PITRM1: variants seen among roughly 807,000 people sequenced by gnomAD.
The protein encoded by PITRM1 is pitrilysin metallopeptidase 1.
In PITRM1, 100 loss-of-function variants were observed where a neutral mutation model predicts 129.9. The observed-to-expected ratio is 0.77, with a 90% CI of 0.65 to 0.91. The LOEUF (loss-of-function observed/expected upper bound fraction) is 0.91, where lower values mean the gene tolerates loss of function less well. PITRM1 is among the 40% of genes least tolerant of loss of function. The pLI is 0.00. For missense variants in PITRM1, 1,471 were observed against 1,318.3 expected (o/e 1.12, Z -1.79); for synonymous variants, 591 against 508.8 (o/e 1.16, Z -2.17).
chr10:3,144,284 G>A lies in PITRM1; in HGVS notation c.2532+8C>T, dbSNP rs534301225. On this transcript the variant is annotated splice_region_variant and intron_variant, in intron 22 of 26. Coordinates refer to ENST00000224949, the MANE Select transcript of PITRM1 (RefSeq NM_014889.4). Reference sequence around the variant, plus strand: ...CCGCTGGCAACCCGGATGGGCTGTGGTTCTTACCATGACCAGCTTCCTAAT... The same window carrying A: ...CCGCTGGCAACCCGGATGGGCTGTGATTCTTACCATGACCAGCTTCCTAAT... 2 of 1,539,742 alleles carry A rather than the reference G, an allele frequency of 1.3e-6. No individual in the cohort carries two copies. The highest frequency in any genetic ancestry group is 1.4e-5 in the African/African-American group (1 of 72,998).
chr10:3,139,214 T>A (rs1839935367), intron 24 of PITRM1, among the ~76,000 whole-genome samples, 165 bp from the exon 25 acceptor site: 1 of 152,186 alleles, frequency 6.6e-6, no homozygotes, highest in African/African-American at 2.4e-5. Flanking sequence ...TTACTCTCAA[T>A]GGAAATTTAA....
intron 9 of PITRM1, among the ~76,000 whole-genome samples, chr10:3,159,394 G>A (rs1414257598): frequency 6.6e-6 from 1 of 152,244 alleles, no homozygotes; most frequent in East Asian, 1.9e-4. Flanking sequence ...GCACGGGAGG[G>A]CCCAGAGCCC....
At chr10:3,159,968 C>G (rs1418121228) in intron 8 of PITRM1, 32 bp from the exon 9 acceptor site, 2 of 1,471,872 alleles carry the variant, frequency 1.4e-6, no homozygotes, top group Non-Finnish European at 1.9e-6. Flanking sequence ...TGAGTAGGCA[C>G]AGTGTCTGAC....
chr10:3,151,235 G>T lies in PITRM1; in HGVS notation c.1738+12C>A. ...ACCCGAGACCCGGGAAAAGCGTAGCGTTCACAGTGACCTGTCAGGACCACG... is the reference window on the plus strand; with the variant it reads ...ACCCGAGACCCGGGAAAAGCGTAGCTTTCACAGTGACCTGTCAGGACCACG... On this transcript the variant is annotated intron_variant, in intron 15 of 26. Coordinates refer to ENST00000224949, the MANE Select transcript of PITRM1 (RefSeq NM_014889.4). 1 of 1,453,000 alleles carries T rather than the reference G, an allele frequency of 6.9e-7. No individual in the cohort carries two copies. Among genetic ancestry groups the T allele is most frequent in the Non-Finnish European group, 9.6e-7 (1 of 1,042,160 alleles). 90.0% of individuals were successfully genotyped at this position (1,453,000 alleles called of 1,614,324 possible).
chr10:3,145,678 G>C lies in PITRM1; in HGVS notation c.2375C>G (p.Thr792Arg). ...VNATPQQMPQ[T>R]EKAVEDFLRS... ...AAGGAAGTCTTCGACCGCTTTTTCT[G>C]TCTGAGGCATCTGCTGAGGAGTCGC... The change falls in exon 21 of 27, where the codon ACA becomes AGA. Residue 792 changes from threonine (T) to arginine (R), a missense_variant. Thr to Arg is a moderately conservative substitution (Grantham distance 71). Coordinates refer to ENST00000224949, the MANE Select transcript of PITRM1 (RefSeq NM_014889.4). The C allele has an allele frequency of 6.4e-7, 1 of 1,551,106 alleles. No homozygotes were observed. Among genetic ancestry groups the C allele is most frequent in the Non-Finnish European group, 8.7e-7 (1 of 1,146,648 alleles).
intron 12 of PITRM1, 42 bp downstream of exon 12, chr10:3,157,393 T>G (rs761753395): frequency 1.2e-5 from 14 of 1,204,542 alleles, no homozygotes; most frequent in African/African-American, 9.1e-5. Flanking sequence ...AGACAAAATG[T>G]CTATTATAAA....
At position 3,144,433 on chromosome 10, in the gene PITRM1, CAG is replaced by C. The variant is rs1588641782; in HGVS notation, c.2458-69_2458-68del. 31 of 925,574 alleles carry C rather than the reference CAG, an allele frequency of 3.3e-5. No homozygotes were observed. In the South Asian group the frequency reaches 4.5e-4, roughly 14 times the overall value. 57.3% of individuals were successfully genotyped at this position (925,574 alleles called of 1,614,324 possible). ...CTCACTTGAAATATATAAGAAGTAA[CAG>C]AGTTTATAAAATTCACACAGCTAAT... is the stretch of plus-strand genomic sequence containing the variant. On this transcript the variant is annotated intron_variant, in intron 21 of 26. Coordinates refer to ENST00000224949, the MANE Select transcript of PITRM1 (RefSeq NM_014889.4).
intron 14 of PITRM1, among the ~76,000 whole-genome samples, chr10:3,155,353 T>C (rs978593259): frequency 6.6e-6 from 1 of 152,224 alleles, no homozygotes; most frequent in Non-Finnish European, 1.5e-5. Flanking sequence ...ACAAAATCTG[T>C]AAAATAAATA....
At chr10:3,157,604 G>A in intron 11 of PITRM1, 73 bp from the exon 12 acceptor site, 2 of 956,196 alleles carry the variant, frequency 2.1e-6, no homozygotes, top group South Asian at 1.5e-5. Flanking sequence ...CACTTTGGGA[G>A]GCCAAGGCAG....
In PITRM1 at chr10:3,159,882, G is replaced by A. The variant is rs759430379; in HGVS notation, c.973C>T (p.Gln325Ter). ...AGGAAGCTAACGCTGATGGTTGTTT[G>A]TTTAGAGGGATCTGTAGCAAATGAA... ...PDSFATDPSK[Q>*]TTISVSFLLP... The change falls in exon 9 of 27, where the codon CAA (glutamine) becomes TAA (stop). Residue 325 changes from glutamine (Q) to a stop codon, truncating the protein, a stop_gained. Transcript: ENST00000224949. LOFTEE classifies it high-confidence loss of function. 3.8e-5 allele frequency: 61 copies of A among 1,605,540 alleles called. No individual in the cohort carries two copies. The highest frequency in any genetic ancestry group is 4.7e-5 in the Non-Finnish European group (55 of 1,175,164).
intron 14 of PITRM1, among the ~76,000 whole-genome samples, chr10:3,155,028 C>G (rs984358757): frequency 6.6e-6 from 1 of 152,224 alleles, no homozygotes; most frequent in Non-Finnish European, 1.5e-5. Flanking sequence ...CCCGACAGTT[C>G]TCCTGCCTTA....
chr10:3,159,652 C>T (rs1020583263), intron 9 of PITRM1, among the ~76,000 whole-genome samples, 196 bp downstream of exon 9: 5 of 152,172 alleles, frequency 3.3e-5, no homozygotes, highest in South Asian at 2.1e-4. Flanking sequence ...CTATCAAAAA[C>T]GATTTTCCTC....
chr10:3,158,856 G>A, intron 10 of PITRM1, 58 bp downstream of exon 10: 6 of 1,546,504 alleles, frequency 3.9e-6, no homozygotes, highest in Non-Finnish European at 1.8e-6. Flanking sequence ...CGGAGGTGGA[G>A]GAGCAAAACT....
In PITRM1 at chr10:3,156,316, C is replaced by T. The variant is rs966414150; in HGVS notation, c.1483-587G>A. 4.7e-4 allele frequency among the ~76,000 whole-genome samples: 72 copies of T among 152,136 alleles called. 5 individuals are homozygous for T. The highest frequency in any genetic ancestry group is 7.3e-5 in the Non-Finnish European group (5 of 68,028). On this transcript the variant is annotated intron_variant, in intron 13 of 26. Transcript: ENST00000224949. ...ATGCTCCCATATAAAATACTACAAA[C>T]AGGTGAGATAACTAGAAGACACCAG...
chr10:3,153,401 GA>G (rs1227756542), intron 14 of PITRM1, among the ~76,000 whole-genome samples: 2 of 152,110 alleles, frequency 1.3e-5, no homozygotes, highest in Non-Finnish European at 2.9e-5. Context: ...AATAAGGGGG[GA>G]AAAAGAGTAA....
intron 15 of PITRM1, among the ~76,000 whole-genome samples, chr10:3,150,399 C>T (rs768909754): frequency 7.3e-5 from 11 of 151,622 alleles, no homozygotes; most frequent in Admixed American, 1.3e-4. Flanking sequence ...CACTCACATG[C>T]GCCCACACAC....
chr10:3,147,197 C>A lies in PITRM1; in HGVS notation c.2289G>T (p.Arg763Ser). ...AEMTDIKPIL[R>S]KLPRIKKHLL... is the part of the protein sequence containing the mutation. ...AGTGTTTCTTGATACGCGGGAGCTT[C>A]CTCAGGATGGGTTTGATATCTGTCA... The change falls in exon 20 of 27, where the codon AGG (arginine) becomes AGT (serine). Residue 763 changes from arginine (R) to serine (S), a missense_variant. Coordinates refer to ENST00000224949, the MANE Select transcript of PITRM1 (RefSeq NM_014889.4). 3 of 1,612,122 alleles carry A rather than the reference C, an allele frequency of 1.9e-6. No homozygotes were observed. Among genetic ancestry groups the A allele is most frequent in the Non-Finnish European group, 2.5e-6 (3 of 1,178,228 alleles).
chr10:3,145,739 A>G (rs1440701681), intron 20 of PITRM1, 23 bp from the exon 21 acceptor site: 7 of 1,502,748 alleles, frequency 4.7e-6, no homozygotes, highest in South Asian at 2.4e-5. Context: ...TTATGTATAC[A>G]TAAAACCACT....
rs1839897089 is a variant in PITRM1 at position 3,138,918 on chromosome 10, G to A, written c.2903C>T (p.Ala968Val). 1 of 1,613,910 alleles carries A rather than the reference G, an allele frequency of 6.2e-7. No individual in the cohort carries two copies. The highest frequency in any genetic ancestry group is 8.5e-7 in the Non-Finnish European group (1 of 1,179,770). Reference sequence around the variant, plus strand: ...ACTCAAAATACCTTTGTCTGAAGGAGCGACAGGAGCATCTACGGTTGAGAA... The same window carrying A: ...ACTCAAAATACCTTTGTCTGAAGGAACGACAGGAGCATCTACGGTTGAGAA... Reference protein sequence around the residue: ...SVFSTVDAPVAPSDKGMDHFL... With the variant: ...SVFSTVDAPVVPSDKGMDHFL... Residue 968 changes from alanine (A) to valine (V), a missense_variant, in exon 25 of 27, where the codon GCT becomes GTT. Coordinates refer to ENST00000224949, the MANE Select transcript of PITRM1 (RefSeq NM_014889.4).
Sources: gnomAD v4.1 joint callset for allele counts (sites outside exome capture counted in the v4.1 genomes callset) on GRCh38, gnomAD v4.1.1 for gene constraint, MANE v1.5 for transcripts, NCBI Gene and HGNC (gene_info 2026-07-23, HGNC 2026-07-21) for gene names.